The following BANK1 variants were observed in gnomAD, a reference collection of about 807,000 sequenced individuals.
The protein encoded by BANK1 is B cell scaffold protein with ankyrin repeats 1, also known as B-cell scaffold protein with ankyrin repeats.
A neutral mutation model predicts 94.5 loss-of-function variants in BANK1; 95 were observed. That is an observed-to-expected ratio of 1.00 (90% CI 0.85 to 1.19). The LOEUF (loss-of-function observed/expected upper bound fraction) is 1.19. Among genes scored for constraint, BANK1 ranks in the 50% most tolerant of loss-of-function variants. The pLI is 0.00. For missense variants in BANK1, 987 were observed against 932.2 expected (o/e 1.06, Z -0.77); for synonymous variants, 334 against 308.4 (o/e 1.08, Z -0.87).
intron 6 of BANK1, among the ~76,000 whole-genome samples, chr4:101,910,137 A>T (rs1364097774): frequency 6.6e-6 from 1 of 152,012 alleles, no homozygotes; most frequent in Non-Finnish European, 1.5e-5. Flanking sequence ...CACTTGAAGG[A>T]TATGTTAAAA....
At chr4:101,923,142 A>G (rs1215316179) in intron 7 of BANK1, among the ~76,000 whole-genome samples, 4 of 151,810 alleles carry the variant, frequency 2.6e-5, no homozygotes, top group Admixed American at 2.0e-4. Context: ...TATTAAATAT[A>G]TAGAAGACCC....
chr4:102,060,490 A>T (rs1578486223), intron 12 of BANK1, 101 bp downstream of exon 12: 56 of 1,242,470 alleles, frequency 4.5e-5, no homozygotes. Flanking sequence ...CTGTTCTTTC[A>T]TTTTTAACTA....
At chr4:101,791,621 A>T (rs1037132122) in intron 1 of BANK1, among the ~76,000 whole-genome samples, 4 of 152,244 alleles carry the variant, frequency 2.6e-5, no homozygotes, top group African/African-American at 9.6e-5. Flanking sequence ...GTGATATAAA[A>T]ATGTTTTTTA....
chr4:101,984,883 C>A (rs1048698824), intron 7 of BANK1, among the ~76,000 whole-genome samples: 2 of 152,002 alleles, frequency 1.3e-5, no homozygotes, highest in Admixed American at 6.6e-5. Context: ...CCTGAAGTGA[C>A]AACTACTAGG....
At chr4:101,870,829 C>CAA (rs199824902) in intron 5 of BANK1, among the ~76,000 whole-genome samples, 185 bp downstream of exon 5, 2 of 148,132 alleles carry the variant, frequency 1.4e-5, no homozygotes, top group African/African-American at 4.9e-5. Context: ...TTGCCTAGGT[C>CAA]AAAAAAAAAC....
At chr4:101,874,061 G>A (rs541214576) in intron 5 of BANK1, among the ~76,000 whole-genome samples, 9 of 152,236 alleles carry the variant, frequency 5.9e-5, no homozygotes, top group African/African-American at 1.7e-4. Context: ...TAGTTATATT[G>A]CTTATTAGTA....
At position 102,043,868 on chromosome 4, in the gene BANK1, T is replaced by A. The variant is rs765849462; in HGVS notation, c.1930T>A (p.Ser644Thr). 6.2e-7 allele frequency: 1 copy of A among 1,603,610 alleles called. No individual in the cohort carries two copies. The highest frequency in any genetic ancestry group is 1.3e-5 in the African/African-American group (1 of 74,594). The change falls in exon 11 of 17, where the codon TCT (serine) becomes ACT (threonine). Residue 644 changes from serine to threonine, a missense_variant. Ser to Thr is a moderately conservative substitution (Grantham distance 58, BLOSUM62 1). Coordinates refer to ENST00000322953, the MANE Select transcript of BANK1 (RefSeq NM_017935.5). The stretch of plus-strand genomic sequence containing the variant: ...TCAACAAAAGACAGCCAGAAGACAA[T>A]CTGATGATGACAAGTTCTGTGGTCT... ...VFQQKTARRQSDDDKFCGLPK... is the reference protein window; with the variant it reads ...VFQQKTARRQTDDDKFCGLPK...
rs533809574 is a variant in BANK1, at chr4:102,017,258, G to A, written c.1207-4256G>A. ...TTTTTCATTCCATTTTAGTGACAGA[G>A]ATGGTCAGAGGCATTTGGCCCAATA... On this transcript the variant is annotated intron_variant, in intron 7 of 16. Coordinates refer to ENST00000322953, the MANE Select transcript of BANK1 (RefSeq NM_017935.5). Among the ~76,000 whole-genome samples, 5 of 152,304 alleles carry A rather than the reference G, an allele frequency of 3.3e-5. No individual in the cohort carries two copies. The East Asian group carries it at 9.6e-4, about 29-fold the overall frequency.
rs200943109 is a variant in BANK1, at chr4:101,957,895, A to AATGCAGTG, written c.1206+39707_1206+39714dup. ...AGTCTCGCTCTGTCGCCCAGGCTGG[A>AATGCAGTG]ATGCAGTGGCCTGATCTCAGCTCAC... On this transcript the variant is annotated intron_variant, in intron 7 of 16. Coordinates refer to ENST00000322953, the MANE Select transcript of BANK1 (RefSeq NM_017935.5). Among the ~76,000 whole-genome samples the AATGCAGTG allele has an allele frequency of 5.8e-3, 818 of 141,358 alleles. 15 individuals carry two copies. The East Asian group carries it at 0.059, about 10-fold the overall frequency. The allele number at this position is 141,358 out of a possible 152,430, so 92.7% of individuals were successfully genotyped here.
chr4:102,012,281 C>T (rs1726535768), intron 7 of BANK1, among the ~76,000 whole-genome samples: 2 of 152,188 alleles, frequency 1.3e-5, no homozygotes, highest in South Asian at 4.1e-4. Flanking sequence ...TACCTGCCCT[C>T]AAGTTGAAGC....
rs551363856 is a variant in BANK1, at chr4:101,950,071, G to A, written c.1206+31882G>A. ...TGTGTGTGTGTGTGTGCGCGTGCGCGCGCATGTGCCTACACAAATGAGACC... is the reference window on the plus strand; with the variant it reads ...TGTGTGTGTGTGTGTGCGCGTGCGCACGCATGTGCCTACACAAATGAGACC... On this transcript the variant is annotated intron_variant, in intron 7 of 16. Transcript: ENST00000322953. Among the ~76,000 whole-genome samples the A allele has an allele frequency of 2.8e-3, 415 of 150,494 alleles. 1 individual carries two copies. Among genetic ancestry groups the A allele is most frequent in the African/African-American group, 9.8e-3 (398 of 40,646 alleles).
chr4:101,961,813 A>T (rs1316857550), intron 7 of BANK1, among the ~76,000 whole-genome samples: 2 of 152,258 alleles, frequency 1.3e-5, no homozygotes, highest in Admixed American at 6.5e-5. Flanking sequence ...CTTACCCTTC[A>T]TCTCTCAACT....
chr4:102,045,929 T>C (rs1727862612), intron 11 of BANK1, among the ~76,000 whole-genome samples: 1 of 150,898 alleles, frequency 6.6e-6, no homozygotes, highest in South Asian at 2.1e-4. Context: ...CTTCACAGAA[T>C]TGGAAAAAAC....
intron 5 of BANK1, among the ~76,000 whole-genome samples, chr4:101,874,529 C>T (rs1201623720): frequency 1.3e-5 from 2 of 152,094 alleles, no homozygotes; most frequent in African/African-American, 4.8e-5. Flanking sequence ...GGTACAAATG[C>T]GTCTAGTCTC....
chr4:101,870,615 A>T lies in BANK1; in HGVS notation c.874A>T (p.Met292Leu). 1 of 1,612,250 alleles carries T rather than the reference A, an allele frequency of 6.2e-7. No homozygotes were observed. Among genetic ancestry groups the T allele is most frequent in the Non-Finnish European group, 8.5e-7 (1 of 1,179,034 alleles). ...AAAGGCAAAGGAATGCCTATTCAGAATGGCAGATTCAGGAGAGAGTTTGTG... is the reference window on the plus strand; with the variant it reads ...AAAGGCAAAGGAATGCCTATTCAGATTGGCAGATTCAGGAGAGAGTTTGTG... ...TAKAKECLFRMADSGESLCQN... is the reference protein window; with the variant it reads ...TAKAKECLFRLADSGESLCQN... The change falls in exon 5 of 17, where the codon ATG (methionine) becomes TTG (leucine). Residue 292 changes from methionine to leucine, a missense_variant. Met to Leu is a conservative substitution (Grantham distance 15). Transcript: ENST00000322953.
chr4:102,038,201 A>G (rs1464104179), intron 10 of BANK1, among the ~76,000 whole-genome samples: 1 of 152,168 alleles, frequency 6.6e-6, no homozygotes, highest in African/African-American at 2.4e-5. Flanking sequence ...AAGTTTTATC[A>G]TCCTGTGAAA....
At chr4:101,964,361 G>A (rs997093103) in intron 7 of BANK1, among the ~76,000 whole-genome samples, 1 of 151,670 alleles carries the variant, frequency 6.6e-6, no homozygotes, top group Non-Finnish European at 1.5e-5. Flanking sequence ...CCCTAAACAT[G>A]CACCATCCCA....
chr4:101,898,873 C>T (rs769104449), intron 6 of BANK1, among the ~76,000 whole-genome samples: 31 of 151,884 alleles, frequency 2.0e-4, no homozygotes, highest in Middle Eastern at 3.4e-3. Context: ...AGGGAAAATA[C>T]ATAACAAATA....
intron 6 of BANK1, among the ~76,000 whole-genome samples, chr4:101,898,541 GTC>G (rs957139875): frequency 6.6e-6 from 1 of 151,936 alleles, no homozygotes; most frequent in Non-Finnish European, 1.5e-5. Context: ...GAGAAATTGA[GTC>G]TCTCTCAGAG....
Sources: gnomAD v4.1 joint callset for allele counts (sites outside exome capture counted in the v4.1 genomes callset) on GRCh38, gnomAD v4.1.1 for gene constraint, MANE v1.5 for transcripts, NCBI Gene and HGNC (gene_info 2026-07-23, HGNC 2026-07-21) for gene names.